CDHR4: variants seen among roughly 807,000 people sequenced by gnomAD.
CDHR4 encodes cadherin-related family member 4.
Under a neutral mutation model 88.4 loss-of-function variants are expected in CDHR4, and 89 were observed. That is an observed-to-expected ratio of 1.01 (90% CI 0.85 to 1.20). The LOEUF is 1.20. Ranked by LOEUF, CDHR4 falls within the 50% of genes most tolerant of loss-of-function variation. The pLI is 0.00. For missense variants in CDHR4, 914 were observed against 1,007.2 expected (o/e 0.91, Z 1.25); for synonymous variants, 368 against 399.2 (o/e 0.92, Z 0.93).
chr3:49,802,325 C>T (rs1056113929), upstream of CDHR4, among the ~76,000 whole-genome samples: 4 of 152,186 alleles, frequency 2.6e-5, no homozygotes, highest in African/African-American at 9.7e-5. Flanking sequence ...AGGCGCCCGC[C>T]ACCACGCCCG....
Position 49,799,107 on chromosome 3 carries a change from T to C in CDHR4, c.290A>G (p.Tyr97Cys), listed in dbSNP as rs754734951. The change falls in exon 3 of 19, where the codon TAC becomes TGC. Residue 97 changes from tyrosine (Y) to cysteine (C), a missense_variant. Tyr to Cys is a radical substitution (Grantham distance 194). Transcript: ENST00000412678. ...AQLDALMVNH[Y>C]KVQLKFTCGN... is the part of the protein sequence containing the mutation. ...ACATGTGAACTTCAGCTGCACCTTG[T>C]AGTGGTTCACCATCAGGGCATCCAA... 13 of 1,575,154 alleles carry C rather than the reference T, an allele frequency of 8.3e-6. No individual in the cohort carries two copies. The highest frequency in any genetic ancestry group is 1.1e-5 in the Non-Finnish European group (13 of 1,160,030).
rs2108282518 is a variant in CDHR4 at position 49,795,283 on chromosome 3, T to C, written c.944A>G (p.Gln315Arg). ...ATTGAGCTTGGCACTGGCCCACAGC[T>C]GGCCCTGCTCAAAGGCCTTCACCTG... ...RLQVKAFEQG[Q>R]LWASAKLNLT... is the part of the protein sequence containing the mutation. Residue 315 changes from glutamine (Q) to arginine (R), a missense_variant, in exon 8 of 19, where the codon CAG (glutamine) becomes CGG (arginine). Transcript: ENST00000412678. The surrounding 1 kb of genome is among the most constrained non-coding windows in gnomAD (Gnocchi z 5.4). 6.4e-7 allele frequency: 1 copy of C among 1,551,648 alleles called. No homozygotes were observed. Among genetic ancestry groups the C allele is most frequent in the South Asian group, 1.2e-5 (1 of 84,062 alleles).
chr3:49,799,691 C>G, intron 1 of CDHR4, 73 bp downstream of exon 1: 4 of 1,524,482 alleles, frequency 2.6e-6, no homozygotes. Context: ...TCCCTGTCCT[C>G]CATGGTAGCT....
chr3:49,800,947 G>A (rs1471917211), upstream of CDHR4, among the ~76,000 whole-genome samples: 1 of 151,342 alleles, frequency 6.6e-6, no homozygotes, highest in East Asian at 1.9e-4. Context: ...AGTTACTTGA[G>A]AGGCTGAGAT....
At position 49,793,174 on chromosome 3, in the gene CDHR4, A is replaced by G. The variant is rs554544044; in HGVS notation, c.1761T>C (p.Tyr587=). ...CATGTCCCCTACCTCCCACGATGCT[A>G]TAGGAGTAGATCAGGCGCTGTGGCT... is the stretch of plus-strand genomic sequence containing the variant. ...PQEPQRLIYS[Y]SIVGGNSQNR... is the part of the protein sequence containing the mutation. Residue 587 remains tyrosine (Y), a synonymous_variant, in exon 13 of 19, where the codon TAT becomes TAC. Coordinates refer to ENST00000412678, the MANE Select transcript of CDHR4 (RefSeq NM_001007540.4). The G allele has an allele frequency of 6.4e-7, 1 of 1,551,628 alleles. No homozygotes were observed. Among genetic ancestry groups the G allele is most frequent in the East Asian group, 2.4e-5 (1 of 40,916 alleles).
chr3:49,802,470 C>T (rs575196132), upstream of CDHR4, among the ~76,000 whole-genome samples: 1 of 152,330 alleles, frequency 6.6e-6, no homozygotes, highest in East Asian at 1.9e-4. Flanking sequence ...CCACCGCGCC[C>T]GGCCAGAATG....
At position 49,795,010 on chromosome 3, in the gene CDHR4, G is replaced by C. The variant is rs1359416053; in HGVS notation, c.1122C>G (p.Tyr374Ter). Residue 374 changes from tyrosine (Y) to a stop codon, truncating the protein, a stop_gained, in exon 9 of 19, where the codon TAC (tyrosine) becomes TAG (stop). Coordinates refer to ENST00000412678, the MANE Select transcript of CDHR4 (RefSeq NM_001007540.4). LOFTEE classifies it high-confidence loss of function. The surrounding 1 kb of genome is among the most constrained non-coding windows in gnomAD (Gnocchi z 5.4). Reference sequence around the variant, plus strand: ...TGGAAGAGCTGCGGAACCACAGCTTGTAGTCCAGGGTGGCACCAACAGAGT... The same window carrying C: ...TGGAAGAGCTGCGGAACCACAGCTTCTAGTCCAGGGTGGCACCAACAGAGT... Reference protein sequence around the residue: ...DPDSVGATLDYKLWFRSSSNP... With the variant: ...DPDSVGATLD 7.1e-6 allele frequency: 11 copies of C among 1,551,716 alleles called. No individual in the cohort carries two copies. Among genetic ancestry groups the C allele is most frequent in the Non-Finnish European group, 9.6e-6 (11 of 1,146,988 alleles).
In CDHR4 at chr3:49,795,318, G is replaced by GACCGCGGTGCCTGAGGTGCGAGCTAAC; in HGVS notation, c.882_908dup (p.Leu295_Val303dup). ...CAAAGGCCTTCACCTGCAGCCTGGA[G>GACCGCGGTGCCTGAGGTGCGAGCTAAC]ACCGCGGTGCCTGAGGTGCGAGCTA... On this transcript the variant is annotated inframe_insertion, in exon 8 of 19. Coordinates refer to ENST00000412678, the MANE Select transcript of CDHR4 (RefSeq NM_001007540.4). This position sits in a 1 kb window ranked among gnomAD's most constrained non-coding sequence, Gnocchi z 5.4. 2 of 1,551,606 alleles carry GACCGCGGTGCCTGAGGTGCGAGCTAAC rather than the reference G, an allele frequency of 1.3e-6. No individual in the cohort carries two copies. Among genetic ancestry groups the GACCGCGGTGCCTGAGGTGCGAGCTAAC allele is most frequent in the South Asian group, 2.4e-5 (2 of 84,056 alleles).
Position 49,795,485 on chromosome 3 carries a change from A to G in CDHR4, c.848-106T>C. 6.7e-7 allele frequency: 1 copy of G among 1,492,180 alleles called. No individual in the cohort carries two copies. 92.4% of individuals were successfully genotyped at this position (1,492,180 alleles called of 1,614,324 possible). A position where few individuals can be genotyped will look rare whatever the true frequency, so the allele number is the denominator to read the frequency against. On this transcript the variant is annotated intron_variant, in intron 7 of 18. Coordinates refer to ENST00000412678, the MANE Select transcript of CDHR4 (RefSeq NM_001007540.4). The surrounding 1 kb of genome is among the most constrained non-coding windows in gnomAD (Gnocchi z 5.4). ...TGCCAGCCCACCAGATCCATAGGCA[A>G]AGGAGGCCGCTGAGCCTGGCCCTCC... is the stretch of plus-strand genomic sequence containing the variant.
chr3:49,797,163 C>T, intron 4 of CDHR4, 131 bp from the exon 5 acceptor site: 1 of 607,568 alleles, frequency 1.6e-6, no homozygotes. Flanking sequence ...TCCTTCCTTC[C>T]TTCTTTCCTT....
upstream of CDHR4, among the ~76,000 whole-genome samples, chr3:49,799,997 C>G (rs1457841660): frequency 6.6e-6 from 1 of 152,188 alleles, no homozygotes; most frequent in South Asian, 2.1e-4. Flanking sequence ...TCCAGAGGCT[C>G]AGAATATCCC....
rs1185838574 is a variant in CDHR4 at position 49,792,893 on chromosome 3, C to G, written c.1956G>C (p.Arg652=). Residue 652 remains arginine, a synonymous_variant, in exon 14 of 19, where the codon CGG becomes CGC. Coordinates refer to ENST00000412678, the MANE Select transcript of CDHR4 (RefSeq NM_001007540.4). ...TGCTGGTGGCCACTGTGCTGGCCCTCCGGGGAACTAGATGCACAATAATGG... is the reference window on the plus strand; with the variant it reads ...TGCTGGTGGCCACTGTGCTGGCCCTGCGGGGAACTAGATGCACAATAATGG... ...TATIIVHLVP[R]RASTVATSTH... is the part of the protein sequence containing the mutation. The G allele has an allele frequency of 6.5e-7, 1 of 1,549,690 alleles. No individual in the cohort carries two copies. The highest frequency in any genetic ancestry group is 2.4e-5 in the East Asian group (1 of 40,856).
Position 49,793,592 on chromosome 3 carries a change from G to C in CDHR4, c.1614C>G (p.Ile538Met). Residue 538 changes from isoleucine to methionine, a missense_variant, in exon 12 of 19, where the codon ATC becomes ATG. Coordinates refer to ENST00000412678, the MANE Select transcript of CDHR4 (RefSeq NM_001007540.4). ...HHLSGSCTIT[I>M]EVEDVNDHAP... ...CTTAGGACGCAATTACCTCAACCTCGATGGTAATGGTACAGGAGCCTGAGA... is the reference window on the plus strand; with the variant it reads ...CTTAGGACGCAATTACCTCAACCTCCATGGTAATGGTACAGGAGCCTGAGA... The C allele has an allele frequency of 6.4e-7, 1 of 1,551,698 alleles. No homozygotes were observed. The highest frequency in any genetic ancestry group is 8.7e-7 in the Non-Finnish European group (1 of 1,146,982).
chr3:49,800,312 G>C (rs1353206252), upstream of CDHR4, among the ~76,000 whole-genome samples: 1 of 152,004 alleles, frequency 6.6e-6, no homozygotes, highest in South Asian at 2.1e-4. Context: ...GATCACTTGA[G>C]CTCAGGAGTT....
upstream of CDHR4, among the ~76,000 whole-genome samples, chr3:49,802,713 G>T (rs2081377719): frequency 2.0e-5 from 3 of 152,216 alleles, no homozygotes; most frequent in African/African-American, 7.2e-5. Flanking sequence ...CGCTGGACTC[G>T]CGACTAGCCA....
chr3:49,791,134 G>T (rs1354341324), intron 18 of CDHR4, among the ~76,000 whole-genome samples: 12 of 152,154 alleles, frequency 7.9e-5, no homozygotes, highest in Admixed American at 7.9e-4. Flanking sequence ...GGCAATACCA[G>T]ATTACTCTCC....
chr3:49,797,241 CTT>C (rs1317022953), intron 4 of CDHR4, among the ~76,000 whole-genome samples: 3 of 151,336 alleles, frequency 2.0e-5, no homozygotes, highest in Non-Finnish European at 2.9e-5. Context: ...TCCTTTCTCT[CTT>C]TCTTTCCTTC....
At chr3:49,802,350 T>C (rs947767180), upstream of CDHR4, among the ~76,000 whole-genome samples, 4 of 152,036 alleles carry the variant, frequency 2.6e-5, no homozygotes, top group Admixed American at 2.6e-4. Context: ...ATTTTTTTTG[T>C]ATTTTTAGTA....
At position 49,799,847 on chromosome 3, in the gene CDHR4, CAGAAA is replaced by C; in HGVS notation, c.-40_-36del. 1 of 1,612,792 alleles carries C rather than the reference CAGAAA, an allele frequency of 6.2e-7. No homozygotes were observed. Among genetic ancestry groups the C allele is most frequent in the Non-Finnish European group, 8.5e-7 (1 of 1,179,086 alleles). Reference sequence around the variant, plus strand: ...AAGACACAGACAGCAGAGGAGGCTTCAGAAAGCTAGGCTGTTTGTCTGACTCACCC... The same window carrying C: ...AAGACACAGACAGCAGAGGAGGCTTCGCTAGGCTGTTTGTCTGACTCACCC... On this transcript the variant is annotated 5_prime_UTR_variant, in exon 1 of 19. Coordinates refer to ENST00000412678, the MANE Select transcript of CDHR4 (RefSeq NM_001007540.4).
Sources: gnomAD v4.1 joint callset for allele counts (sites outside exome capture counted in the v4.1 genomes callset) on GRCh38, gnomAD v4.1.1 for gene constraint, Gnocchi (gnomAD v3.1) non-coding constraint, MANE v1.5 for transcripts, NCBI Gene and HGNC (gene_info 2026-07-23, HGNC 2026-07-21) for gene names.